Variants in MARCHF1 observed in about 807,000 individuals in gnomAD.
MARCHF1 encodes E3 ubiquitin-protein ligase MARCHF1.
Under a neutral mutation model 54.2 loss-of-function variants are expected in MARCHF1, and 40 were observed. The ratio of observed to expected loss-of-function variants is 0.74; its 90% CI spans 0.57 to 0.96. MARCHF1 has a LOEUF of 0.96. Ranked by LOEUF, MARCHF1 falls within the 40% of genes least tolerant of loss-of-function variation. The probability of loss-of-function intolerance (pLI) is 0.00; values close to 1 mark genes in which losing one functional copy is unlikely to be tolerated. For synonymous variants in MARCHF1, 236 were observed against 236.3 expected, an observed-to-expected ratio of 1.00 and a Z score of 0.01; for missense variants, 586 against 656.5, an observed-to-expected ratio of 0.89 and a Z score of 1.17.
chr4:163,935,686 C>A (rs1212797593), intron 3 of MARCHF1, among the ~76,000 whole-genome samples: 1 of 142,164 alleles, frequency 7.0e-6, no homozygotes, highest in Admixed American at 7.3e-5. Context: ...AACAACAAGG[C>A]TGTTTTGCTT....
rs184032157 is a variant in MARCHF1, at chr4:163,718,400, C to T, written c.112-17537G>A. Among the ~76,000 whole-genome samples the T allele has an allele frequency of 6.4e-3, 968 of 152,226 alleles. 9 individuals are homozygous for T. The highest frequency in any genetic ancestry group is 0.022 in the African/African-American group (934 of 41,528). On this transcript the variant is annotated intron_variant, in intron 4 of 9. Transcript: ENST00000514618. ...AATGGGAGAAAATTTTTGCAATCTA[C>T]GCATCTGACAAAGGGCTAATATCCA...
chr4:163,916,723 G>A (rs1751315963), intron 3 of MARCHF1, among the ~76,000 whole-genome samples: 1 of 152,030 alleles, frequency 6.6e-6, no homozygotes, highest in Non-Finnish European at 1.5e-5. Flanking sequence ...CAGCACAACT[G>A]AGCAGAAGAT....
chr4:164,311,224 T>C (rs548869751), intron 1 of MARCHF1, among the ~76,000 whole-genome samples: 4 of 152,284 alleles, frequency 2.6e-5, no homozygotes, highest in African/African-American at 9.6e-5. Flanking sequence ...GGATGATTAC[T>C]ACTCATAATA....
intron 5 of MARCHF1, among the ~76,000 whole-genome samples, chr4:163,630,435 G>C (rs886903595): frequency 3.9e-5 from 6 of 152,148 alleles, no homozygotes; most frequent in Non-Finnish European, 7.4e-5. Flanking sequence ...AAGAGAGATG[G>C]ATAGATTTCA....
chr4:163,933,633 C>T (rs72687915), intron 3 of MARCHF1, among the ~76,000 whole-genome samples: 14,610 of 152,240 alleles, frequency 0.096, 720 homozygotes, highest in Non-Finnish European at 0.1. Flanking sequence ...GTGTTCCACA[C>T]AACTTCTCCA....
At chr4:164,124,805 T>A (rs1458402256) in intron 1 of MARCHF1, among the ~76,000 whole-genome samples, 3 of 152,040 alleles carry the variant, frequency 2.0e-5, no homozygotes, top group Non-Finnish European at 4.4e-5. Flanking sequence ...GGAGGGTAAG[T>A]GGGGACAGTT....
At chr4:163,820,773 G>T (rs144813871) in intron 4 of MARCHF1, among the ~76,000 whole-genome samples, 1 of 151,916 alleles carries the variant, frequency 6.6e-6, no homozygotes, top group Non-Finnish European at 1.5e-5. Flanking sequence ...ATTTTCATAT[G>T]CAAACAATTT....
rs139979844 is a variant in MARCHF1, at chr4:163,903,942, A to G, written c.-38-49773T>C. 3.2e-3 allele frequency among the ~76,000 whole-genome samples: 485 copies of G among 152,286 alleles called. 6 individuals are homozygous for G. The highest frequency in any genetic ancestry group is 0.011 in the African/African-American group (467 of 41,562). On this transcript the variant is annotated intron_variant, in intron 3 of 9. Coordinates refer to ENST00000514618, the MANE Select transcript of MARCHF1 (RefSeq NM_001394959.1). ...TAAACTTAAATTGTGTTCTAACTGC[A>G]TAATAATTTAAATAAAAGCTATCTA...
intron 3 of MARCHF1, among the ~76,000 whole-genome samples, chr4:163,939,729 G>A (rs1336962528): frequency 6.6e-6 from 1 of 152,092 alleles, no homozygotes; most frequent in African/African-American, 2.4e-5. Flanking sequence ...TTGAAAGATG[G>A]CCTTTTGACA....
chr4:163,755,763 T>C (rs1008439424), intron 4 of MARCHF1, among the ~76,000 whole-genome samples: 1 of 151,988 alleles, frequency 6.6e-6, no homozygotes, highest in African/African-American at 2.4e-5. Flanking sequence ...GCAAAGAATA[T>C]AAATTTTTGA....
At chr4:164,278,868 C>A (rs558525097) in intron 1 of MARCHF1, among the ~76,000 whole-genome samples, 1 of 152,004 alleles carries the variant, frequency 6.6e-6, no homozygotes, top group African/African-American at 2.4e-5. Flanking sequence ...TTTTCCCCAG[C>A]GTTTAGACTA....
chr4:163,656,631 G>C (rs1743154302), intron 5 of MARCHF1, among the ~76,000 whole-genome samples: 1 of 152,038 alleles, frequency 6.6e-6, no homozygotes, highest in South Asian at 2.1e-4. Flanking sequence ...CAATATCCTT[G>C]ATGAACATCG....
At chr4:164,180,702 C>G (rs1730810143) in intron 1 of MARCHF1, among the ~76,000 whole-genome samples, 1 of 152,140 alleles carries the variant, frequency 6.6e-6, no homozygotes, top group Non-Finnish European at 1.5e-5. Context: ...TCCTCAGAGA[C>G]ATTTATGTTA....
intron 8 of MARCHF1, among the ~76,000 whole-genome samples, chr4:163,567,481 T>C (rs1739682757): frequency 6.6e-6 from 1 of 152,142 alleles, no homozygotes; most frequent in Non-Finnish European, 1.5e-5. Flanking sequence ...CTCACCCAAA[T>C]CTCATCTTGA....
chr4:163,864,427 A>T (rs1347387397), intron 3 of MARCHF1, among the ~76,000 whole-genome samples: 1 of 152,020 alleles, frequency 6.6e-6, no homozygotes, highest in African/African-American at 2.4e-5. Flanking sequence ...AAGTCTAAGA[A>T]ACTGTTACAG....
At chr4:163,796,833 T>C (rs1747931973) in intron 4 of MARCHF1, among the ~76,000 whole-genome samples, 1 of 152,182 alleles carries the variant, frequency 6.6e-6, no homozygotes, top group Admixed American at 6.6e-5. Flanking sequence ...ATCAAAATAC[T>C]CACCCTCATC....
At chr4:164,243,056 A>G (rs1291819279) in intron 1 of MARCHF1, among the ~76,000 whole-genome samples, 6 of 127,454 alleles carry the variant, frequency 4.7e-5, no homozygotes, top group African/African-American at 1.8e-4. Context: ...AACACTCTGC[A>G]GGATATTATC....
intron 1 of MARCHF1, among the ~76,000 whole-genome samples, chr4:164,303,937 C>T (rs527810017): frequency 1.2e-4 from 18 of 152,298 alleles, no homozygotes; most frequent in South Asian, 1.0e-3. Flanking sequence ...AGTGATGAAT[C>T]CAAATAAAAG....
chr4:164,010,111 G>C (rs1753386255), intron 2 of MARCHF1, among the ~76,000 whole-genome samples: 1 of 143,442 alleles, frequency 7.0e-6, no homozygotes, highest in South Asian at 2.2e-4. Flanking sequence ...CTGCCATGCA[G>C]GCTGGACTGC....
Sources: gnomAD v4.1 joint callset for allele counts (sites outside exome capture counted in the v4.1 genomes callset) on GRCh38, gnomAD v4.1.1 for gene constraint, MANE v1.5 for transcripts, NCBI Gene and HGNC (gene_info 2026-07-23, HGNC 2026-07-21) for gene names.